CLASP2: variants seen among roughly 807,000 people sequenced by gnomAD.
The protein encoded by CLASP2 is cytoplasmic linker associated protein 2.
In CLASP2, 47 loss-of-function variants were observed where a neutral mutation model predicts 194.4. That is an observed-to-expected ratio of 0.24 (90% CI 0.19 to 0.31). The LOEUF is 0.31. Among genes scored for constraint, CLASP2 ranks in the 10% least tolerant of loss-of-function variants. The pLI, the probability that CLASP2 is intolerant of heterozygous loss-of-function variation, is 1.00. For missense variants in CLASP2, 1,445 were observed against 1,823.6 expected (o/e 0.79, Z 3.78); for synonymous variants, 619 against 633.5 (o/e 0.98, Z 0.34).
Position 33,573,123 on chromosome 3 carries a change from G to T in CLASP2, c.2686C>A (p.Gln896Lys). ...AACGCATCTCACCTTAGTGTTCTCT[G>T]ATTTTTTAATAAGTTCTGCAGACCT... ...LLGLQNLLKN[Q>K]RTLSRVELKR... Residue 896 changes from glutamine (Q) to lysine (K), a missense_variant, in exon 25 of 39, where the codon CAG becomes AAG. Gln to Lys is a moderately conservative substitution (Grantham distance 53). Around this residue, in one of 4 missense-constraint regions of CLASP2, gnomAD observed 732 missense variants for 987.9 expected, o/e 0.74. Coordinates refer to ENST00000682230, the MANE Select transcript of CLASP2 (RefSeq NM_001365631.1). 1 of 1,613,600 alleles carries T rather than the reference G, an allele frequency of 6.2e-7. No homozygotes were observed. The highest frequency in any genetic ancestry group is 1.1e-5 in the South Asian group (1 of 91,066).
intron 1 of CLASP2, among the ~76,000 whole-genome samples, chr3:33,709,107 G>A (rs1470131417): frequency 6.6e-6 from 1 of 152,126 alleles, no homozygotes; most frequent in African/African-American, 2.4e-5. Flanking sequence ...TTTGTAGTCT[G>A]ATGTAGTTCC....
At chr3:33,629,199 T>A (rs1007499380) in intron 9 of CLASP2, among the ~76,000 whole-genome samples, 2 of 152,102 alleles carry the variant, frequency 1.3e-5, no homozygotes, top group African/African-American at 4.8e-5. Flanking sequence ...AAATAAAAAA[T>A]AGTATCTGGA....
At chr3:33,534,588 T>A (rs1204539718) in intron 34 of CLASP2, among the ~76,000 whole-genome samples, 1 of 152,084 alleles carries the variant, frequency 6.6e-6, no homozygotes, top group Non-Finnish European at 1.5e-5. Context: ...ACTAAAACAT[T>A]TGTAGTGTTT....
At chr3:33,598,171 T>A (rs1258789677) in intron 18 of CLASP2, among the ~76,000 whole-genome samples, 1 of 152,010 alleles carries the variant, frequency 6.6e-6, no homozygotes. Context: ...CTTTTTTTTT[T>A]TTTCACTCTA....
At chr3:33,668,390 G>C (rs890222215) in intron 6 of CLASP2, among the ~76,000 whole-genome samples, 39 of 152,270 alleles carry the variant, frequency 2.6e-4, no homozygotes, top group African/African-American at 9.1e-4. Context: ...ACCATAAAGG[G>C]AGCAGTATTT....
intron 9 of CLASP2, 25 bp downstream of exon 9, chr3:33,632,267 C>T (rs752637464): frequency 1.5e-5 from 22 of 1,482,594 alleles, no homozygotes; most frequent in African/African-American, 7.1e-5. Context: ...GCAATATTCA[C>T]GGGGAGTGCC....
intron 6 of CLASP2, among the ~76,000 whole-genome samples, chr3:33,664,191 T>C (rs956777947): frequency 6.6e-6 from 1 of 152,242 alleles, no homozygotes; most frequent in Non-Finnish European, 1.5e-5. Flanking sequence ...ATTCAGAGAA[T>C]GTATTTATTA....
chr3:33,542,950 C>CTA (rs998915388), intron 32 of CLASP2, among the ~76,000 whole-genome samples: 2 of 152,070 alleles, frequency 1.3e-5, no homozygotes, highest in African/African-American at 4.8e-5. Context: ...ATTCCATATC[C>CTA]TATATATTAT....
chr3:33,588,575 A>G (rs544022866), intron 21 of CLASP2: 387 of 526,110 alleles, frequency 7.4e-4, no homozygotes, highest in Non-Finnish European at 1.0e-3. Flanking sequence ...ACAATTGGCA[A>G]TTTCTGCCCC....
At chr3:33,641,980 A>C (rs969496515) in intron 8 of CLASP2, among the ~76,000 whole-genome samples, 1 of 152,006 alleles carries the variant, frequency 6.6e-6, no homozygotes, top group Non-Finnish European at 1.5e-5. Flanking sequence ...ATAGTCCAGA[A>C]AACAGAATAG....
chr3:33,671,641 T>C (rs530710075), intron 6 of CLASP2, among the ~76,000 whole-genome samples: 11 of 152,274 alleles, frequency 7.2e-5, no homozygotes, highest in African/African-American at 1.9e-4. Flanking sequence ...GGGCGAGGCA[T>C]TGCCTCACTT....
intron 19 of CLASP2, among the ~76,000 whole-genome samples, chr3:33,596,191 T>C (rs1473997154): frequency 6.6e-6 from 1 of 152,076 alleles, no homozygotes; most frequent in Non-Finnish European, 1.5e-5. Context: ...ATCAATTGAA[T>C]ATTGAAATTA....
rs546633804 is a variant in CLASP2 at position 33,553,752 on chromosome 3, G to A, written c.3010-2357C>T. The stretch of plus-strand genomic sequence containing the variant: ...AACGAAACTCTTCCACAATGCTGGT[G>A]GAAATGTAAATTAGTACTGCCATTA... On this transcript the variant is annotated intron_variant, in intron 29 of 38. Coordinates refer to ENST00000682230, the MANE Select transcript of CLASP2 (RefSeq NM_001365631.1). Among the ~76,000 whole-genome samples the A allele has an allele frequency of 2.6e-5, 4 of 152,252 alleles. No individual in the cohort carries two copies. In the South Asian group the frequency reaches 8.3e-4, roughly 32 times the overall value.
rs1451209565 is a variant in CLASP2, at chr3:33,553,219, A to C, written c.3010-1824T>G. Among the ~76,000 whole-genome samples the C allele has an allele frequency of 2.0e-5, 3 of 152,200 alleles. No individual in the cohort carries two copies. The East Asian group carries it at 5.8e-4, about 29-fold the overall frequency. On this transcript the variant is annotated intron_variant, in intron 29 of 38. Transcript: ENST00000682230. ...TAAAATATTAAAATAAGGTTCTGACACTTGTACATTTTTCCCTTCCTACTT... is the reference window on the plus strand; with the variant it reads ...TAAAATATTAAAATAAGGTTCTGACCCTTGTACATTTTTCCCTTCCTACTT...
At chr3:33,558,091 T>C (rs2061260950) in intron 29 of CLASP2, among the ~76,000 whole-genome samples, 2 of 152,240 alleles carry the variant, frequency 1.3e-5, no homozygotes, top group African/African-American at 4.8e-5. Context: ...TTACTTTCTC[T>C]TAGGTAAGAT....
chr3:33,589,580 A>G (rs2068228999), intron 21 of CLASP2, among the ~76,000 whole-genome samples: 1 of 152,136 alleles, frequency 6.6e-6, no homozygotes, highest in African/African-American at 2.4e-5. Flanking sequence ...CAAACAAACA[A>G]AAGTCCCTCC....
intron 34 of CLASP2, among the ~76,000 whole-genome samples, chr3:33,521,644 T>G (rs2053124303): frequency 6.6e-6 from 1 of 152,208 alleles, no homozygotes; most frequent in African/African-American, 2.4e-5. Context: ...AAATGCAATG[T>G]GTGGTTCTGA....
intron 34 of CLASP2, among the ~76,000 whole-genome samples, chr3:33,524,476 C>T (rs1232455138): frequency 6.6e-6 from 1 of 151,818 alleles, no homozygotes; most frequent in Non-Finnish European, 1.5e-5. Flanking sequence ...ACAGTGAAAC[C>T]CCATCTCTAC....
chr3:33,715,913 A>C (rs993379069), intron 1 of CLASP2, among the ~76,000 whole-genome samples: 37 of 151,618 alleles, frequency 2.4e-4, no homozygotes, highest in African/African-American at 8.0e-4. Flanking sequence ...TAAAACTTAA[A>C]GCAACAGATT....
Sources: gnomAD v4.1 joint callset for allele counts (sites outside exome capture counted in the v4.1 genomes callset) on GRCh38, gnomAD v4.1.1 for gene constraint, gnomAD v4.1.1 regional missense constraint, MANE v1.5 for transcripts, NCBI Gene and HGNC (gene_info 2026-07-23, HGNC 2026-07-21) for gene names.